Variants in GNG2 observed in about 807,000 individuals in gnomAD.
GNG2 encodes the protein G protein subunit gamma 2.
A neutral mutation model predicts 5.5 loss-of-function variants in GNG2; 5 were observed. The observed-to-expected ratio is 0.91, with a 90% CI of 0.48 to 1.92. The LOEUF (loss-of-function observed/expected upper bound fraction) is 1.92. GNG2 is among the 30% of genes most tolerant of loss of function. The pLI is 0.01. For synonymous variants in GNG2, 28 were observed against 32.0 expected, an observed-to-expected ratio of 0.88 and a Z score of 0.42; for missense variants, 55 against 88.4, an observed-to-expected ratio of 0.62 and a Z score of 1.52.
intron 1 of GNG2, among the ~76,000 whole-genome samples, chr14:51,866,056 A>T (rs1368502119): frequency 1.3e-5 from 2 of 152,180 alleles, no homozygotes; most frequent in Non-Finnish European, 2.9e-5. Context: ...CAGCCCCTTT[A>T]TCTCTTGGCA....
chr14:51,900,970 C>T (rs1425450392), intron 2 of GNG2, among the ~76,000 whole-genome samples: 2 of 152,164 alleles, frequency 1.3e-5, no homozygotes, highest in Non-Finnish European at 2.9e-5. Context: ...CCAGTGTGTT[C>T]CCACACCCTG....
At chr14:51,909,898 C>A (rs1886191750) in intron 2 of GNG2, among the ~76,000 whole-genome samples, 1 of 152,142 alleles carries the variant, frequency 6.6e-6, no homozygotes. Flanking sequence ...TTGGTTGATG[C>A]CTCAGACTCA....
chr14:51,871,332 A>C (rs569553766), intron 1 of GNG2, among the ~76,000 whole-genome samples: 14 of 4,320 alleles, frequency 3.2e-3, no homozygotes, highest in East Asian at 0.025. Flanking sequence ...ATTCCTAGGC[A>C]AAAAAAAAAA....
chr14:51,961,113 C>T (rs1253645), intron 3 of GNG2, among the ~76,000 whole-genome samples: 141,609 of 152,206 alleles, frequency 0.93, 66,345 homozygotes, highest in Non-Finnish European at 0.99. Context: ...ATCTTATCTC[C>T]CTTCTCTCAG....
intron 2 of GNG2, chr14:51,841,595 A>G (rs1177752979): frequency 1.4e-6 from 1 of 699,038 alleles, no homozygotes; most frequent in Admixed American, 2.0e-5. Flanking sequence ...TGAAGTCCAC[A>G]GTAATATTTC....
intron 2 of GNG2, among the ~76,000 whole-genome samples, chr14:51,934,986 C>T (rs1397770532): frequency 6.6e-6 from 1 of 150,958 alleles, no homozygotes; most frequent in Non-Finnish European, 1.5e-5. Flanking sequence ...TAAAACAGTG[C>T]ACAAAAATAA....
At chr14:51,849,104 A>C (rs1397878504) in intron 2 of GNG2, among the ~76,000 whole-genome samples, 1 of 152,172 alleles carries the variant, frequency 6.6e-6, no homozygotes. Flanking sequence ...TTGAGGTTAC[A>C]GTCAAAATGT....
At chr14:51,864,753 A>G (rs1882759514) in intron 1 of GNG2, among the ~76,000 whole-genome samples, 1 of 152,158 alleles carries the variant, frequency 6.6e-6, no homozygotes. Flanking sequence ...CTCAGTAGGT[A>G]TCATGGCCAG....
chr14:51,967,675 G>A lies in GNG2; in HGVS notation c.*988G>A, dbSNP rs1215527831. 1.3e-5 allele frequency: 2 copies of A among 151,968 alleles called. No homozygotes were observed. The highest frequency in any genetic ancestry group is 4.8e-5 in the African/African-American group (2 of 41,336). 9.4% of individuals were successfully genotyped at this position (151,968 alleles called of 1,614,324 possible). On this transcript the variant is annotated 3_prime_UTR_variant, in exon 4 of 4. Transcript: ENST00000556766. ...CGTTTTCCAGAATCCAAAGCATTTT[G>A]GTTTATCCAGGACCCAGGGCAGCAC...
At chr14:51,923,127 A>C (rs1243682578) in intron 2 of GNG2, among the ~76,000 whole-genome samples, 1 of 152,222 alleles carries the variant, frequency 6.6e-6, no homozygotes, top group Non-Finnish European at 1.5e-5. Context: ...GGCATTAAGC[A>C]GGAAATGCTT....
intron 2 of GNG2, among the ~76,000 whole-genome samples, chr14:51,949,638 T>C (rs1209965246): frequency 6.6e-6 from 1 of 152,162 alleles, no homozygotes; most frequent in African/African-American, 2.4e-5. Flanking sequence ...TCAAAGCACT[T>C]AGGTTTTGCT....
intron 2 of GNG2, among the ~76,000 whole-genome samples, chr14:51,886,269 A>T (rs1448975616): frequency 6.6e-6 from 1 of 152,200 alleles, no homozygotes; most frequent in Non-Finnish European, 1.5e-5. Context: ...CACTGTTCTC[A>T]TAAGTTCTGT....
rs530420131 is a variant in GNG2 at position 51,926,670 on chromosome 14, C to G, written c.-29-23980C>G. 3.3e-5 allele frequency among the ~76,000 whole-genome samples: 5 copies of G among 152,286 alleles called. No individual in the cohort carries two copies. In the South Asian group the frequency reaches 1.0e-3, roughly 32 times the overall value. On this transcript the variant is annotated intron_variant, in intron 2 of 3. Coordinates refer to ENST00000556766, the MANE Select transcript of GNG2 (RefSeq NM_053064.5). ...GCGCCATTTTGCAGAGGGGAGGAGCCTGGCCTCTTCCTTTTCCGGTGTGGA... is the reference window on the plus strand; with the variant it reads ...GCGCCATTTTGCAGAGGGGAGGAGCGTGGCCTCTTCCTTTTCCGGTGTGGA...
At chr14:51,872,985 G>A (rs1237268570) in intron 1 of GNG2, among the ~76,000 whole-genome samples, 1 of 151,966 alleles carries the variant, frequency 6.6e-6, no homozygotes, top group Non-Finnish European at 1.5e-5. Context: ...TTTCATTTGG[G>A]TCTCTAAAAT....
Position 51,877,664 on chromosome 14 carries a change from A to T in GNG2, c.-30+7A>T, listed in dbSNP as rs1314557612. 1 of 454,382 alleles carries T rather than the reference A, an allele frequency of 2.2e-6. No individual in the cohort carries two copies. Among genetic ancestry groups the T allele is most frequent in the Non-Finnish European group, 4.4e-6 (1 of 226,138 alleles). The allele number at this position is 454,382 out of a possible 1,614,324, so 28.1% of individuals were successfully genotyped here. ...GGCTTTAGGAACTGAAGAGGTAAGA[A>T]TTCCAAAATATTTTCTTCTAGAATC... On this transcript the variant is annotated splice_region_variant and intron_variant, in intron 2 of 3. Coordinates refer to ENST00000556766, the MANE Select transcript of GNG2 (RefSeq NM_053064.5).
chr14:51,896,398 G>A (rs1321186391), intron 2 of GNG2, among the ~76,000 whole-genome samples: 1 of 152,208 alleles, frequency 6.6e-6, no homozygotes, highest in African/African-American at 2.4e-5. Flanking sequence ...GACTTGCTTT[G>A]TTAAGTTGTA....
intron 2 of GNG2, among the ~76,000 whole-genome samples, chr14:51,847,603 T>G (rs1214838469): frequency 6.6e-6 from 1 of 152,214 alleles, no homozygotes; most frequent in Non-Finnish European, 1.5e-5. Context: ...AGTGAGATTA[T>G]CTTTTACAGG....
chr14:51,869,805 G>A (rs1566654596), intron 1 of GNG2, among the ~76,000 whole-genome samples: 1 of 152,158 alleles, frequency 6.6e-6, no homozygotes, highest in Non-Finnish European at 1.5e-5. Flanking sequence ...GAGCTACCTT[G>A]CCCTGCCGCG....
chr14:51,862,484 A>T (rs994996627), intron 1 of GNG2, among the ~76,000 whole-genome samples: 1 of 152,268 alleles, frequency 6.6e-6, no homozygotes, highest in African/African-American at 2.4e-5. Context: ...GCTGTGCATC[A>T]TGAAATGAAG....
Sources: gnomAD v4.1 joint callset for allele counts (sites outside exome capture counted in the v4.1 genomes callset) on GRCh38, gnomAD v4.1.1 for gene constraint, MANE v1.5 for transcripts, NCBI Gene and HGNC (gene_info 2026-07-23, HGNC 2026-07-21) for gene names.